MARF1: variants seen among roughly 807,000 people sequenced by gnomAD.
MARF1 encodes limkain-b1.
Under a neutral mutation model 168.2 loss-of-function variants are expected in MARF1, and 24 were observed. That is an observed-to-expected ratio of 0.14 (90% CI 0.10 to 0.20). The LOEUF (loss-of-function observed/expected upper bound fraction) is 0.20, where lower values mean the gene tolerates loss of function less well. MARF1 is among the 10% of genes least tolerant of loss of function. MARF1 has a pLI of 1.00. For synonymous variants in MARF1, 868 were observed against 822.4 expected (o/e 1.06, Z -0.95); for missense variants, 1,744 against 2,143.6 (o/e 0.81, Z 3.68).
intron 7 of MARF1, among the ~76,000 whole-genome samples, chr16:15,626,517 A>C (rs1425839829): frequency 2.6e-5 from 4 of 152,206 alleles, no homozygotes; most frequent in Non-Finnish European, 5.9e-5. Context: ...ACTAGGAGCT[A>C]TAGGCTTAAG....
At chr16:15,637,247 T>C (rs778629641) in intron 2 of MARF1, among the ~76,000 whole-genome samples, 6 of 152,192 alleles carry the variant, frequency 3.9e-5, no homozygotes, top group Non-Finnish European at 5.9e-5. Flanking sequence ...ACCTAGCCAC[T>C]GAAAGGGGAC....
intron 12 of MARF1, 57 bp downstream of exon 12, chr16:15,621,676 A>C: frequency 6.6e-7 from 1 of 1,515,586 alleles, no homozygotes; most frequent in African/African-American, 1.4e-5. Context: ...ATTATTTCTA[A>C]AATTGTTTCT....
intron 22 of MARF1, chr16:15,602,873 T>C: frequency 3.4e-6 from 1 of 294,648 alleles, no homozygotes; most frequent in South Asian, 2.9e-5. Context: ...AACACTGTGA[T>C]AAGAGGATGA....
At chr16:15,598,552 G>C (rs1281958030) in intron 26 of MARF1, among the ~76,000 whole-genome samples, 3 of 152,122 alleles carry the variant, frequency 2.0e-5, no homozygotes, top group Non-Finnish European at 4.4e-5. Context: ...CCTTCACAAA[G>C]TCTGGGAGAG....
At chr16:15,642,943 T>A (rs1189951793) in intron 1 of MARF1, 75 bp downstream of exon 1, 1 of 196,348 alleles carries the variant, frequency 5.1e-6, no homozygotes, top group Non-Finnish European at 1.1e-5. Context: ...GAGGGGACAC[T>A]GTCCTCCGTC....
rs774748276 is a variant in MARF1 at position 15,624,792 on chromosome 16, G to A, written c.2247C>T (p.Leu749=). The part of the protein sequence containing the change: ...LVASRQVSPL[L]ASQSWSSRSM... Reference sequence around the variant, plus strand: ...ACCTAGAAGACCAAGACTGAGATGCGAGCAGAGGACTGACTTGCCTGGATG... The same window carrying A: ...ACCTAGAAGACCAAGACTGAGATGCAAGCAGAGGACTGACTTGCCTGGATG... Residue 749 remains leucine, a synonymous_variant, in exon 10 of 27, where the codon CTC becomes CTT. Transcript: ENST00000396368. The A allele has an allele frequency of 2.5e-5, 41 of 1,614,178 alleles. No individual in the cohort carries two copies. The highest frequency in any genetic ancestry group is 9.9e-5 in the South Asian group (9 of 91,080).
rs536862913 is a variant in MARF1 at position 15,633,503 on chromosome 16, G to A, written c.1233+114C>T. 149 of 757,294 alleles carry A rather than the reference G, an allele frequency of 2.0e-4. 1 individual carries two copies. In the Middle Eastern group the frequency reaches 2.7e-3, roughly 14 times the overall value. The allele number at this position is 757,294 out of a possible 1,614,324, so 46.9% of individuals were successfully genotyped here. A position where few individuals can be genotyped will look rare whatever the true frequency, so the allele number is the denominator to read the frequency against. ...CGAGGCTGCAGGGAGCCATGAATGC[G>A]TCACTGCACTCCAGCCTGGGTGACA... On this transcript the variant is annotated intron_variant, in intron 5 of 26. Coordinates refer to ENST00000396368, the MANE Select transcript of MARF1 (RefSeq NM_014647.4).
rs201259683 is a variant in MARF1, at chr16:15,617,314, G to A, written c.2942C>T (p.Ser981Phe). The change falls in exon 14 of 27, where the codon TCC (serine) becomes TTC (phenylalanine). Residue 981 changes from serine (S) to phenylalanine (F), a missense_variant. This residue lies in a region of MARF1 where 543 missense variants were observed against 742.1 expected (regional missense o/e 0.73). Coordinates refer to ENST00000396368, the MANE Select transcript of MARF1 (RefSeq NM_014647.4). ...YHEPVCRQHC[S>F]NKDFSEHEFD... ...AACGGCACACCTGAAATCCTTATTG[G>A]AACAATGCTGTCTGCAGACAGGCTC... is the stretch of plus-strand genomic sequence containing the variant. 6.8e-6 allele frequency: 11 copies of A among 1,613,696 alleles called. No homozygotes were observed. Among genetic ancestry groups the A allele is most frequent in the Middle Eastern group, 3.3e-4 (2 of 6,062 alleles).
At chr16:15,608,261 A>T (rs7187923) in intron 21 of MARF1, 30 bp downstream of exon 21, 2 of 259,932 alleles carry the variant, frequency 7.7e-6, no homozygotes, top group South Asian at 9.9e-5. Context: ...CCCATGAGGG[A>T]AAAAAAAAAA....
At chr16:15,630,802 TAA>T (rs60835804) in intron 6 of MARF1, among the ~76,000 whole-genome samples, 69 of 130,544 alleles carry the variant, frequency 5.3e-4, no homozygotes, top group Middle Eastern at 3.9e-3. Context: ...GAGCACAAGG[TAA>T]AAAAAAAAAA....
At position 15,634,792 on chromosome 16, in the gene MARF1, A is replaced by C; in HGVS notation, c.971T>G (p.Leu324Trp). The stretch of plus-strand genomic sequence containing the variant: ...AGCAGCTTTGCCTAGACTGGTCGCC[A>C]ATAACAACGTGGTCTCCTTCCCTGT... ...KGTGKETTLL[L>W]ATSLGKAASK... The change falls in exon 4 of 27, where the codon TTG becomes TGG. Residue 324 changes from leucine to tryptophan, a missense_variant. Leu to Trp is a moderately conservative substitution (Grantham distance 61). Transcript: ENST00000396368. 6.2e-7 allele frequency: 1 copy of C among 1,613,836 alleles called. No individual in the cohort carries two copies. The highest frequency in any genetic ancestry group is 8.5e-7 in the Non-Finnish European group (1 of 1,179,866).
chr16:15,631,904 A>G (rs1426280437), intron 5 of MARF1, among the ~76,000 whole-genome samples: 1 of 152,134 alleles, frequency 6.6e-6, no homozygotes, highest in Non-Finnish European at 1.5e-5. Flanking sequence ...AGCTTCATCC[A>G]TGTCCCTGCA....
Position 15,611,734 on chromosome 16 carries a change from T to C in MARF1, c.3475A>G (p.Ile1159Val). 2 of 1,613,684 alleles carry C rather than the reference T, an allele frequency of 1.2e-6. No homozygotes were observed. The highest frequency in any genetic ancestry group is 1.7e-6 in the Non-Finnish European group (2 of 1,179,842). ...AGACGTTTGGAGCCCATTCCAAGAA[T>C]CTGCAAAGCAAATAGTTTATTTATA... ...LLEAVPHVLQILGMGSKRLLT... is the reference protein window; with the variant it reads ...LLEAVPHVLQVLGMGSKRLLT... Residue 1159 changes from isoleucine (I) to valine (V), a missense_variant and splice_region_variant, in exon 18 of 27, where the codon ATT becomes GTT. This residue lies in a region of MARF1 where 543 missense variants were observed against 742.1 expected (regional missense o/e 0.73). Transcript: ENST00000396368.
chr16:15,618,856 T>C (rs545729090), intron 13 of MARF1, among the ~76,000 whole-genome samples: 4 of 152,250 alleles, frequency 2.6e-5, no homozygotes, highest in Non-Finnish European at 5.9e-5. Context: ...AAAAACTTGC[T>C]GTACCTCCTT....
intron 10 of MARF1, among the ~76,000 whole-genome samples, chr16:15,623,963 G>A (rs1355099697): frequency 6.8e-6 from 1 of 147,840 alleles, no homozygotes; most frequent in Non-Finnish European, 1.5e-5. Context: ...CCAGGCTGGA[G>A]TGCAGTCATG....
intron 10 of MARF1, among the ~76,000 whole-genome samples, 188 bp from the exon 11 acceptor site, chr16:15,623,311 G>A (rs563084175): frequency 2.1e-3 from 235 of 109,776 alleles, no homozygotes; most frequent in African/African-American, 8.3e-3. Context: ...ACAGAGTCTC[G>A]CTCTGTCACC....
At chr16:15,615,766 A>G in intron 16 of MARF1, 64 bp downstream of exon 16, 1 of 1,243,572 alleles carries the variant, frequency 8.0e-7, no homozygotes, top group African/African-American at 1.5e-5. Flanking sequence ...AATAAAAGCC[A>G]ATAGCCTCCT....
intron 23 of MARF1, 27 bp downstream of exon 23, chr16:15,601,964 C>G (rs767612263): frequency 6.3e-7 from 1 of 1,594,080 alleles, no homozygotes; most frequent in African/African-American, 1.3e-5. Context: ...AGAAGATGCT[C>G]TCCCGGAAGC....
In MARF1 at chr16:15,608,387, T is replaced by C. The variant is rs2033212195; in HGVS notation, c.4086A>G (p.Thr1362=). 1.9e-6 allele frequency: 3 copies of C among 1,613,932 alleles called. No individual in the cohort carries two copies. Among genetic ancestry groups the C allele is most frequent in the African/African-American group, 2.7e-5 (2 of 74,908 alleles). The change falls in exon 21 of 27, where the codon ACA becomes ACG. Residue 1362 remains threonine, a synonymous_variant. Transcript: ENST00000396368. ...DNCLMMTDLL[T]EYAKTFGYTF... is the part of the protein sequence containing the mutation. ...TATAACCAAAAGTTTTAGCATATTCTGTAAGGAGATCTGTCATCATAAGGC... is the reference window on the plus strand; with the variant it reads ...TATAACCAAAAGTTTTAGCATATTCCGTAAGGAGATCTGTCATCATAAGGC...
Sources: gnomAD v4.1 joint callset for allele counts (sites outside exome capture counted in the v4.1 genomes callset) on GRCh38, gnomAD v4.1.1 for gene constraint, gnomAD v4.1.1 regional missense constraint, MANE v1.5 for transcripts, NCBI Gene and HGNC (gene_info 2026-07-23, HGNC 2026-07-21) for gene names.